SNTB1: variants seen among roughly 807,000 people sequenced by gnomAD.
SNTB1 encodes syntrophin beta 1.
Under a neutral mutation model 48.9 loss-of-function variants are expected in SNTB1, and 36 were observed. The ratio of observed to expected loss-of-function variants is 0.74; its 90% CI spans 0.56 to 0.97. SNTB1 has a LOEUF of 0.97. Among genes scored for constraint, SNTB1 ranks in the 50% least tolerant of loss-of-function variants. The pLI is 0.00. For missense variants in SNTB1, 786 were observed against 703.4 expected (o/e 1.12, Z -1.33); for synonymous variants, 299 against 294.6 (o/e 1.01, Z -0.15).
intron 5 of SNTB1, among the ~76,000 whole-genome samples, chr8:120,546,317 A>G (rs1418141266): frequency 1.3e-5 from 2 of 152,210 alleles, no homozygotes; most frequent in Non-Finnish European, 2.9e-5. Flanking sequence ...AAGAACAATA[A>G]CATTACAGAC....
chr8:120,679,013 C>T (rs1817885095), intron 2 of SNTB1, among the ~76,000 whole-genome samples: 1 of 152,250 alleles, frequency 6.6e-6, no homozygotes, highest in African/African-American at 2.4e-5. Flanking sequence ...CTATAGTCCT[C>T]TCCAGGTGGT....
At position 120,588,525 on chromosome 8, in the gene SNTB1, A is replaced by G. The variant is rs909793579; in HGVS notation, c.997-13300T>C. On this transcript the variant is annotated intron_variant, in intron 3 of 6. Transcript: ENST00000517992. ...TTCGTAAAACCTGCCCCAACTGGGA[A>G]TAGCCATTTTTTTTTTTTCCTCTGA... Among the ~76,000 whole-genome samples the G allele has an allele frequency of 5.0e-5, 4 of 80,508 alleles. No homozygotes were observed. In the East Asian group the frequency reaches 1.8e-3, roughly 36 times the overall value. The allele number at this position is 80,508 out of a possible 152,430, so 52.8% of individuals were successfully genotyped here.
intron 4 of SNTB1, among the ~76,000 whole-genome samples, chr8:120,564,842 A>G (rs1282532282): frequency 6.6e-6 from 1 of 152,122 alleles, no homozygotes; most frequent in Non-Finnish European, 1.5e-5. Flanking sequence ...AAGTGCTGGG[A>G]TTACAGGTGT....
chr8:120,779,193 A>G (rs1819789430), intron 1 of SNTB1, among the ~76,000 whole-genome samples: 1 of 152,214 alleles, frequency 6.6e-6, no homozygotes, highest in Non-Finnish European at 1.5e-5. Context: ...TCTATTAAGT[A>G]AAATAGCTCT....
rs539033068 is a variant in SNTB1, at chr8:120,627,656, G to A, written c.996+4788C>T. 7.2e-5 allele frequency among the ~76,000 whole-genome samples: 11 copies of A among 152,220 alleles called. No individual in the cohort carries two copies. In the East Asian group the frequency reaches 9.6e-4, roughly 13 times the overall value. ...GAGAAGATCTTGGTAAGTGTTGCCC[G>A]GCCTAGGTATACAAATTTCCCTTAT... is the stretch of plus-strand genomic sequence containing the variant. On this transcript the variant is annotated intron_variant, in intron 3 of 6. Transcript: ENST00000517992.
intron 2 of SNTB1, among the ~76,000 whole-genome samples, chr8:120,671,758 G>A (rs1817760741): frequency 6.6e-6 from 1 of 152,158 alleles, no homozygotes; most frequent in Non-Finnish European, 1.5e-5. Context: ...GGAAGATTGG[G>A]GAAATAATTA....
intron 4 of SNTB1, among the ~76,000 whole-genome samples, chr8:120,550,315 G>A (rs1815457724): frequency 6.6e-6 from 1 of 151,984 alleles, no homozygotes; most frequent in Admixed American, 6.6e-5. Flanking sequence ...GCCAAGGCGG[G>A]CAGATCACCT....
chr8:120,541,215 G>A (rs1030844700), intron 6 of SNTB1: 3 of 152,200 alleles, frequency 2.0e-5, no homozygotes, highest in East Asian at 1.9e-4. Flanking sequence ...GCATTGAGAC[G>A]AGACGTATGT....
At chr8:120,746,300 A>AT (rs530731228) in intron 1 of SNTB1, among the ~76,000 whole-genome samples, 7 of 152,066 alleles carry the variant, frequency 4.6e-5, no homozygotes, top group Non-Finnish European at 8.8e-5. Flanking sequence ...TCTTAATAAC[A>AT]TTTTTTTCTC....
chr8:120,653,927 T>G (rs1179154773), intron 2 of SNTB1, among the ~76,000 whole-genome samples: 1 of 150,912 alleles, frequency 6.6e-6, no homozygotes, highest in East Asian at 2.0e-4. Context: ...TAGTCCCAGC[T>G]ACTCGGGGGG....
chr8:120,661,639 C>T (rs1236297078), intron 2 of SNTB1, among the ~76,000 whole-genome samples: 2 of 152,102 alleles, frequency 1.3e-5, no homozygotes, highest in African/African-American at 4.8e-5. Context: ...TAATGTTCTC[C>T]CTCCCCTTTC....
chr8:120,548,793 A>G lies in SNTB1; in HGVS notation c.1302T>C (p.Asn434=). The change falls in exon 5 of 7, where the codon AAT becomes AAC. Residue 434 remains asparagine, a synonymous_variant. Coordinates refer to ENST00000517992, the MANE Select transcript of SNTB1 (RefSeq NM_021021.4). ...WTRSIVQGCH[N]SAELIAEIST... ...TGATTTCAGCAATGAGTTCAGCAGA[A>G]TTGTGGCAACCCTGTACTATGCTCC... 1.2e-6 allele frequency: 2 copies of G among 1,614,118 alleles called. No homozygotes were observed. Among genetic ancestry groups the G allele is most frequent in the South Asian group, 2.2e-5 (2 of 91,080 alleles).
At chr8:120,710,606 A>T (rs1163300073) in intron 1 of SNTB1, among the ~76,000 whole-genome samples, 1 of 152,202 alleles carries the variant, frequency 6.6e-6, no homozygotes. Flanking sequence ...TGAATGGATT[A>T]GTGCCTTACC....
intron 2 of SNTB1, among the ~76,000 whole-genome samples, chr8:120,689,852 T>C (rs191392664): frequency 2.6e-5 from 4 of 152,362 alleles, no homozygotes; most frequent in Admixed American, 1.3e-4. Context: ...ATGGAACTTA[T>C]TGCATTTTCT....
intron 1 of SNTB1, among the ~76,000 whole-genome samples, chr8:120,788,832 A>T (rs1819971335): frequency 6.6e-6 from 1 of 152,100 alleles, no homozygotes; most frequent in African/African-American, 2.4e-5. Flanking sequence ...TAGACAGAAC[A>T]TTGAGGCAGA....
chr8:120,786,190 G>A (rs1471443904), intron 1 of SNTB1, among the ~76,000 whole-genome samples: 1 of 152,294 alleles, frequency 6.6e-6, no homozygotes, highest in East Asian at 1.9e-4. Flanking sequence ...AGACTAAGAG[G>A]AGCAGAGGGA....
intron 4 of SNTB1, among the ~76,000 whole-genome samples, chr8:120,565,763 C>A (rs1815737978): frequency 6.6e-6 from 1 of 152,212 alleles, no homozygotes; most frequent in African/African-American, 2.4e-5. Flanking sequence ...TGGAGTTCCC[C>A]ACCCACCATG....
chr8:120,686,350 G>C (rs1438110473), intron 2 of SNTB1, among the ~76,000 whole-genome samples: 1 of 152,170 alleles, frequency 6.6e-6, no homozygotes, highest in Non-Finnish European at 1.5e-5. Context: ...CAATTCTGGA[G>C]ACTGGACAGT....
At chr8:120,552,561 T>G (rs1448991190) in intron 4 of SNTB1, among the ~76,000 whole-genome samples, 4 of 152,130 alleles carry the variant, frequency 2.6e-5, no homozygotes, top group African/African-American at 9.7e-5. Flanking sequence ...TTTTGCCATG[T>G]TGGCCAGGCT....
Sources: gnomAD v4.1 joint callset for allele counts (sites outside exome capture counted in the v4.1 genomes callset) on GRCh38, gnomAD v4.1.1 for gene constraint, MANE v1.5 for transcripts, NCBI Gene and HGNC (gene_info 2026-07-23, HGNC 2026-07-21) for gene names.